Variants in MPP7 observed in about 807,000 individuals in gnomAD.
The protein encoded by MPP7 is MAGUK p55 subfamily member 7.
In MPP7, 60 loss-of-function variants were observed where a neutral mutation model predicts 76.5. The observed-to-expected ratio is 0.78, with a 90% CI of 0.64 to 0.97. MPP7 has a LOEUF of 0.97. Among genes scored for constraint, MPP7 ranks in the 50% least tolerant of loss-of-function variants. The pLI, the probability that MPP7 is intolerant of heterozygous loss-of-function variation, is 0.00. For synonymous variants in MPP7, 237 were observed against 244.5 expected (o/e 0.97, Z 0.29); for missense variants, 641 against 694.0 (o/e 0.92, Z 0.86).
At chr10:28,287,467 T>C (rs78483292) in intron 1 of MPP7, among the ~76,000 whole-genome samples, 2,310 of 152,336 alleles carry the variant, frequency 0.015, 38 homozygotes, top group East Asian at 0.07. Flanking sequence ...TGGAGCCATA[T>C]GAGTGAATGT....
At chr10:28,098,068 T>G (rs933726123) in intron 11 of MPP7, among the ~76,000 whole-genome samples, 3 of 152,140 alleles carry the variant, frequency 2.0e-5, no homozygotes, top group African/African-American at 7.2e-5. Flanking sequence ...CTTACATACA[T>G]AAATTAAGAA....
intron 1 of MPP7, among the ~76,000 whole-genome samples, chr10:28,331,412 T>C (rs1834468972): frequency 6.6e-6 from 1 of 152,164 alleles, no homozygotes; most frequent in African/African-American, 2.4e-5. Context: ...ATATGAATTA[T>C]AAGGCAAGAA....
intron 1 of MPP7, among the ~76,000 whole-genome samples, chr10:28,277,089 G>C (rs2133070675): frequency 6.6e-6 from 1 of 152,006 alleles, no homozygotes; most frequent in East Asian, 1.9e-4. Context: ...AGCTACTCAG[G>C]AGGCTGAGGA....
intron 5 of MPP7, among the ~76,000 whole-genome samples, chr10:28,135,529 T>C (rs1480488325): frequency 1.3e-5 from 2 of 152,110 alleles, no homozygotes; most frequent in South Asian, 2.1e-4. Context: ...TACAGGGCAG[T>C]CCCCTAAACT....
intron 11 of MPP7, among the ~76,000 whole-genome samples, chr10:28,108,520 G>C (rs1333292609): frequency 2.6e-5 from 4 of 151,914 alleles, no homozygotes; most frequent in African/African-American, 7.3e-5. Flanking sequence ...AGCTGGCCGT[G>C]GTGGTGCAGG....
chr10:28,220,329 G>C (rs1838458404), intron 2 of MPP7, among the ~76,000 whole-genome samples: 1 of 152,058 alleles, frequency 6.6e-6, no homozygotes, highest in Non-Finnish European at 1.5e-5. Context: ...ATAGAAAAAT[G>C]AAAATTACTT....
chr10:28,310,857 TG>T (rs1299879857), intron 2 of MPP7, among the ~76,000 whole-genome samples: 1 of 152,240 alleles, frequency 6.6e-6, no homozygotes, highest in African/African-American at 2.4e-5. Flanking sequence ...GGAATATATT[TG>T]GTTGGTGCAA....
chr10:28,167,507 C>A (rs1294791421), intron 3 of MPP7, among the ~76,000 whole-genome samples: 1 of 152,100 alleles, frequency 6.6e-6, no homozygotes, highest in African/African-American at 2.4e-5. Context: ...TTTGAGAAGG[C>A]CTATTGGATA....
intron 2 of MPP7, among the ~76,000 whole-genome samples, chr10:28,314,304 AT>A (rs1329799604): frequency 4.6e-5 from 7 of 152,174 alleles, no homozygotes; most frequent in African/African-American, 1.4e-4. Flanking sequence ...TGATTTGTGC[AT>A]TTGCAATCAT....
chr10:28,242,196 T>C (rs1032031808), intron 1 of MPP7, among the ~76,000 whole-genome samples: 2 of 152,212 alleles, frequency 1.3e-5, no homozygotes, highest in African/African-American at 4.8e-5. Flanking sequence ...ACTGTCATCA[T>C]AAACTACTTT....
chr10:28,257,745 T>TA (rs66568214), intron 1 of MPP7, among the ~76,000 whole-genome samples: 76 of 142,096 alleles, frequency 5.3e-4, no homozygotes, highest in Middle Eastern at 3.8e-3. Flanking sequence ...TAAAGTATAA[T>TA]AAAAAAAAAA....
At chr10:28,079,395 G>A (rs775154287) in intron 12 of MPP7, among the ~76,000 whole-genome samples, 24 of 151,854 alleles carry the variant, frequency 1.6e-4, no homozygotes, top group Non-Finnish European at 3.4e-4. Context: ...GTTTGCACCT[G>A]TAATCCCAGT....
At chr10:28,137,496 T>C (rs946427443) in intron 5 of MPP7, among the ~76,000 whole-genome samples, 6 of 152,372 alleles carry the variant, frequency 3.9e-5, no homozygotes, top group Non-Finnish European at 7.4e-5. Flanking sequence ...AATGAAGCAA[T>C]TATGATAATT....
intron 3 of MPP7, among the ~76,000 whole-genome samples, chr10:28,150,552 G>A (rs1341234418): frequency 1.3e-5 from 2 of 152,140 alleles, no homozygotes; most frequent in African/African-American, 4.8e-5. Flanking sequence ...ATTTGTGCCT[G>A]GGTGCCACAT....
At chr10:28,171,158 C>T (rs558436233) in intron 3 of MPP7, among the ~76,000 whole-genome samples, 2 of 152,286 alleles carry the variant, frequency 1.3e-5, no homozygotes, top group East Asian at 1.9e-4. Context: ...AGGACAGACA[C>T]ACCTTCAGTC....
intron 12 of MPP7, among the ~76,000 whole-genome samples, chr10:28,070,287 T>C (rs1852181403): frequency 6.6e-6 from 1 of 152,058 alleles, no homozygotes; most frequent in African/African-American, 2.4e-5. Flanking sequence ...TAGTCCCAGC[T>C]ACTCAGGAGG....
chr10:28,189,944 T>C (rs1837359459), intron 3 of MPP7, among the ~76,000 whole-genome samples: 1 of 151,962 alleles, frequency 6.6e-6, no homozygotes. Context: ...AAAACTCACA[T>C]TGAACATAAA....
chr10:28,193,325 GC>G (rs1254888008), intron 3 of MPP7, among the ~76,000 whole-genome samples: 1 of 151,228 alleles, frequency 6.6e-6, no homozygotes, highest in African/African-American at 2.4e-5. Context: ...CCATTCTCCT[GC>G]CTCAGCCTCC....
Position 28,054,683 on chromosome 10 carries a change from G to GT in MPP7, c.1552-440dup, listed in dbSNP as rs528113372. Among the ~76,000 whole-genome samples the GT allele has an allele frequency of 3.2e-4, 48 of 152,102 alleles. 1 individual carries two copies. In the South Asian group the frequency reaches 9.8e-3, roughly 31 times the overall value. On this transcript the variant is annotated intron_variant, in intron 16 of 16. Coordinates refer to ENST00000683449, the MANE Select transcript of MPP7 (RefSeq NM_001318170.2). ...TAAAAGGATGATTACCATGTTTTTT[G>GT]TTTTTTGTTTTGAGATAGAGTCTCA...
Sources: gnomAD v4.1 joint callset for allele counts (sites outside exome capture counted in the v4.1 genomes callset) on GRCh38, gnomAD v4.1.1 for gene constraint, MANE v1.5 for transcripts, NCBI Gene and HGNC (gene_info 2026-07-23, HGNC 2026-07-21) for gene names.